The following PLCL1 variants were observed in gnomAD, a reference collection of about 807,000 sequenced individuals.
PLCL1 encodes inactive phospholipase C-like protein 1.
Under a neutral mutation model 84.4 loss-of-function variants are expected in PLCL1, and 41 were observed. The observed-to-expected ratio is 0.49, with a 90% CI of 0.38 to 0.63. The LOEUF is 0.63. Ranked by LOEUF, PLCL1 falls within the 30% of genes least tolerant of loss-of-function variation. The probability of loss-of-function intolerance (pLI) is 0.00; values close to 1 mark genes in which losing one functional copy is unlikely to be tolerated. For missense variants in PLCL1, 1,206 were observed against 1,367.8 expected, an observed-to-expected ratio of 0.88 and a Z score of 1.87; for synonymous variants, 490 against 488.3, an observed-to-expected ratio of 1.00 and a Z score of -0.05.
intron 1 of PLCL1, among the ~76,000 whole-genome samples, chr2:197,853,435 G>C (rs929229399): frequency 6.6e-6 from 1 of 152,106 alleles, no homozygotes; most frequent in Non-Finnish European, 1.5e-5. Context: ...TTAATTTTTT[G>C]AGGAACTGTG....
intron 3 of PLCL1, among the ~76,000 whole-genome samples, chr2:198,092,700 T>C (rs10931800): frequency 0.42 from 63,425 of 151,728 alleles, 14,252 homozygotes; most frequent in African/African-American, 0.59. Context: ...CCCCATACAT[T>C]CCTTTGTCAC....
chr2:197,856,595 A>G (rs1018397705), intron 1 of PLCL1, among the ~76,000 whole-genome samples: 8 of 152,210 alleles, frequency 5.3e-5, no homozygotes, highest in Non-Finnish European at 1.0e-4. Flanking sequence ...TCTCTAGGGA[A>G]GAATCAGTTG....
chr2:198,021,855 A>G (rs1303438073), intron 1 of PLCL1, among the ~76,000 whole-genome samples: 1 of 152,240 alleles, frequency 6.6e-6, no homozygotes, highest in Admixed American at 6.5e-5. Flanking sequence ...AAACTATTCA[A>G]AACAATAGAA....
At chr2:198,112,014 G>T (rs1343210789) in intron 5 of PLCL1, among the ~76,000 whole-genome samples, 2 of 151,842 alleles carry the variant, frequency 1.3e-5, no homozygotes, top group Admixed American at 1.3e-4. Context: ...TGTATCTTGA[G>T]AATAATTTAT....
At chr2:198,028,278 G>A (rs1050382999) in intron 1 of PLCL1, among the ~76,000 whole-genome samples, 2 of 152,024 alleles carry the variant, frequency 1.3e-5, no homozygotes, top group Non-Finnish European at 1.5e-5. Context: ...TTGTTATTAT[G>A]TAATGCAAAA....
intron 5 of PLCL1, among the ~76,000 whole-genome samples, chr2:198,141,676 A>G (rs1410694420): frequency 6.6e-6 from 1 of 152,174 alleles, no homozygotes; most frequent in Non-Finnish European, 1.5e-5. Context: ...AGTATGGTCC[A>G]TCAATGGACC....
At chr2:197,832,559 A>T (rs528739521) in intron 1 of PLCL1, among the ~76,000 whole-genome samples, 1 of 152,310 alleles carries the variant, frequency 6.6e-6, no homozygotes, top group South Asian at 2.1e-4. Context: ...TCACAGCCAA[A>T]TTCTACCAGA....
At chr2:197,992,277 A>T (rs1690361275) in intron 1 of PLCL1, among the ~76,000 whole-genome samples, 1 of 152,054 alleles carries the variant, frequency 6.6e-6, no homozygotes, top group East Asian at 1.9e-4. Flanking sequence ...AAATTAATTT[A>T]TTTTTGAGAC....
intron 1 of PLCL1, among the ~76,000 whole-genome samples, chr2:197,882,429 G>T: frequency 6.6e-6 from 1 of 152,102 alleles, no homozygotes; most frequent in East Asian, 1.9e-4. Flanking sequence ...GACACTTGAT[G>T]CTTCTCTTTA....
rs1692860440 is a variant in PLCL1 at position 198,085,759 on chromosome 2, C to T, written c.2242C>T (p.Pro748Ser). Reference sequence around the variant, plus strand: ...TTGTGCCAAAGGGGATGTCATAGATCCCTATGTTTGTATAGAGATACACGG... The same window carrying T: ...TTGTGCCAAAGGGGATGTCATAGATTCCTATGTTTGTATAGAGATACACGG... ...GACAKGDVID[P>S]YVCIEIHGIP... The change falls in exon 2 of 6, where the codon CCC becomes TCC. Residue 748 changes from proline to serine, a missense_variant. Physicochemically the swap from Pro to Ser is moderately conservative, Grantham distance 74 (BLOSUM62 -1). Transcript: ENST00000428675. This position sits in a 1 kb window ranked among gnomAD's most constrained non-coding sequence, Gnocchi z 5.3. 6.2e-7 allele frequency: 1 copy of T among 1,613,912 alleles called. No homozygotes were observed. Among genetic ancestry groups the T allele is most frequent in the Admixed American group, 1.7e-5 (1 of 59,996 alleles).
chr2:197,923,419 G>C (rs1688760259), intron 1 of PLCL1, among the ~76,000 whole-genome samples: 1 of 146,360 alleles, frequency 6.8e-6, no homozygotes, highest in African/African-American at 2.5e-5. Flanking sequence ...TTGCCAGGCA[G>C]AGGGTCTCCT....
At chr2:198,070,345 A>G (rs1692432792) in intron 1 of PLCL1, among the ~76,000 whole-genome samples, 1 of 152,140 alleles carries the variant, frequency 6.6e-6, no homozygotes, top group Non-Finnish European at 1.5e-5. Flanking sequence ...ACCTCTGGGT[A>G]CATTCATATG....
At chr2:198,033,114 A>G (rs1056071332) in intron 1 of PLCL1, among the ~76,000 whole-genome samples, 1 of 152,356 alleles carries the variant, frequency 6.6e-6, no homozygotes, top group African/African-American at 2.4e-5. Context: ...ATTCTTATAA[A>G]TGGGAACAAA....
intron 5 of PLCL1, among the ~76,000 whole-genome samples, chr2:198,127,970 A>G (rs947233268): frequency 6.6e-6 from 1 of 152,160 alleles, no homozygotes; most frequent in Non-Finnish European, 1.5e-5. Context: ...TAAATTTCTC[A>G]CTTCACACAA....
intron 1 of PLCL1, among the ~76,000 whole-genome samples, chr2:197,938,424 T>C (rs1397130567): frequency 2.0e-5 from 3 of 152,214 alleles, no homozygotes; most frequent in Non-Finnish European, 4.4e-5. Flanking sequence ...ATATGTAGAA[T>C]ATGGTACAAG....
At chr2:198,018,644 G>A (rs1691058125) in intron 1 of PLCL1, among the ~76,000 whole-genome samples, 1 of 152,226 alleles carries the variant, frequency 6.6e-6, no homozygotes, top group Non-Finnish European at 1.5e-5. Flanking sequence ...GTCCACTGCA[G>A]TGCCACAAAG....
intron 1 of PLCL1, among the ~76,000 whole-genome samples, chr2:198,075,714 T>G (rs1485605657): frequency 1.3e-5 from 2 of 152,236 alleles, no homozygotes; most frequent in African/African-American, 4.8e-5. Context: ...TTTAAAGCTG[T>G]TTTTATTGTT....
chr2:197,835,638 T>C (rs1691171597), intron 1 of PLCL1, among the ~76,000 whole-genome samples: 5 of 152,208 alleles, frequency 3.3e-5, no homozygotes, highest in African/African-American at 1.2e-4. Context: ...GTTTGTAATC[T>C]GGGCCAAACT....
intron 3 of PLCL1, among the ~76,000 whole-genome samples, chr2:198,098,504 T>A (rs538741737): frequency 6.6e-6 from 1 of 152,290 alleles, no homozygotes; most frequent in South Asian, 2.1e-4. Flanking sequence ...ATGCCTAGAT[T>A]CTAGTCTAAA....
Sources: allele counts gnomAD v4.1 joint callset (sites outside exome capture counted in the v4.1 genomes callset), GRCh38; gene constraint gnomAD v4.1.1; non-coding constraint Gnocchi (gnomAD v3.1); transcripts MANE v1.5; gene names NCBI Gene and HGNC (gene_info 2026-07-23, HGNC 2026-07-21).